SPECC1: variants seen among roughly 807,000 people sequenced by gnomAD.
The protein encoded by SPECC1 is sperm antigen with calponin homology and coiled-coil domains 1, also known as cytospin-B.
In SPECC1, 62 loss-of-function variants were observed where a neutral mutation model predicts 104.1. That is an observed-to-expected ratio of 0.60 (90% CI 0.49 to 0.74). The LOEUF (loss-of-function observed/expected upper bound fraction) is 0.74. Ranked by LOEUF, SPECC1 falls within the 30% of genes least tolerant of loss-of-function variation. The pLI, the probability that SPECC1 is intolerant of heterozygous loss-of-function variation, is 0.00. For missense variants in SPECC1, 1,306 were observed against 1,310.5 expected (o/e 1.00, Z 0.05); for synonymous variants, 513 against 501.6 (o/e 1.02, Z -0.30).
intron 13 of SPECC1, among the ~76,000 whole-genome samples, chr17:20,298,523 C>A (rs1185106283): frequency 1.3e-5 from 2 of 152,108 alleles, no homozygotes; most frequent in Non-Finnish European, 1.5e-5. Flanking sequence ...GGCAGACCCC[C>A]ATAGCTGGGC....
At chr17:20,163,181 A>AAT (rs1213770117) in intron 3 of SPECC1, among the ~76,000 whole-genome samples, 2 of 152,226 alleles carry the variant, frequency 1.3e-5, no homozygotes, top group African/African-American at 4.8e-5. Flanking sequence ...CAGAAAATCA[A>AAT]ATATATATAC....
chr17:20,166,729 A>C (rs1049261425), intron 3 of SPECC1, among the ~76,000 whole-genome samples: 4 of 152,050 alleles, frequency 2.6e-5, no homozygotes, highest in African/African-American at 9.7e-5. Context: ...TGTCTGTTTC[A>C]CTCTTCTCTT....
In SPECC1 at chr17:20,246,071, G is replaced by A; in HGVS notation, c.2497G>A (p.Gly833Ser). ...LIKSFDLGRPGGAGQNISVHK... is the reference protein window; with the variant it reads ...LIKSFDLGRPSGAGQNISVHK... Reference sequence around the variant, plus strand: ...CAAGTCATTTGACTTGGGACGCCCAGGTATTTAATCATTTTTTCTATAAGC... The same window carrying A: ...CAAGTCATTTGACTTGGGACGCCCAAGTATTTAATCATTTTTTCTATAAGC... The change falls in exon 8 of 15, where the codon GGT becomes AGT. Residue 833 changes from glycine to serine, a missense_variant and splice_region_variant. Gly to Ser is a moderately conservative substitution (Grantham distance 56). Around this residue, in one of 2 missense-constraint regions of SPECC1, gnomAD observed 1,177 missense variants for 1,139.9 expected, o/e 1.03. Transcript: ENST00000395527. 4 of 1,613,774 alleles carry A rather than the reference G, an allele frequency of 2.5e-6. No individual in the cohort carries two copies. The highest frequency in any genetic ancestry group is 3.4e-6 in the Non-Finnish European group (4 of 1,179,800).
intron 4 of SPECC1, among the ~76,000 whole-genome samples, chr17:20,217,607 A>G (rs1322604193): frequency 6.6e-6 from 1 of 151,928 alleles, no homozygotes; most frequent in Non-Finnish European, 1.5e-5. Flanking sequence ...TAGCCTGAGG[A>G]CTCTACAACA....
At chr17:20,105,290 T>C (rs1312828239) in intron 2 of SPECC1, among the ~76,000 whole-genome samples, 1 of 152,228 alleles carries the variant, frequency 6.6e-6, no homozygotes, top group Non-Finnish European at 1.5e-5. Flanking sequence ...AAATGGAGTC[T>C]TACTATGTTG....
intron 12 of SPECC1, among the ~76,000 whole-genome samples, chr17:20,278,155 T>A (rs2040637536): frequency 6.6e-6 from 1 of 151,950 alleles, no homozygotes; most frequent in African/African-American, 2.4e-5. Flanking sequence ...TTCTCAGAGG[T>A]ATGGAACATA....
chr17:20,111,817 C>T lies in SPECC1; in HGVS notation c.283+1255C>T, dbSNP rs910640927. The T allele has an allele frequency of 9.7e-6, 8 of 827,190 alleles. No individual in the cohort carries two copies. In the East Asian group the frequency reaches 1.5e-4, roughly 15 times the overall value. 51.2% of individuals were successfully genotyped at this position (827,190 alleles called of 1,614,324 possible). A position where few individuals can be genotyped will look rare whatever the true frequency, so the allele number is the denominator to read the frequency against. ...GCTCACTCAGGACCCAGGGGGGGGG[C>T]AGCGCGATGAGGTGGGTGGCCCTGT... On this transcript the variant is annotated intron_variant, in intron 3 of 14. Coordinates refer to ENST00000395527, the MANE Select transcript of SPECC1 (RefSeq NM_001243439.2).
intron 4 of SPECC1, among the ~76,000 whole-genome samples, chr17:20,210,076 G>C (rs1194292404): frequency 6.6e-6 from 1 of 152,124 alleles, no homozygotes; most frequent in Non-Finnish European, 1.5e-5. Context: ...GTGGGTCCTA[G>C]AGCCAAACTG....
chr17:20,049,762 C>A (rs1037174346), intron 1 of SPECC1, among the ~76,000 whole-genome samples: 5 of 151,764 alleles, frequency 3.3e-5, no homozygotes, highest in African/African-American at 7.3e-5. Context: ...GAGGATTCTA[C>A]GGTGTTTTCT....
At chr17:20,018,058 G>A (rs1003531683) in intron 1 of SPECC1, 3 of 152,578 alleles carry the variant, frequency 2.0e-5, no homozygotes, top group Middle Eastern at 3.4e-3. Context: ...TCCATGTGAG[G>A]GGAAGGGTCC....
At chr17:20,306,233 T>A in intron 14 of SPECC1, 151 bp downstream of exon 14, 1 of 607,802 alleles carries the variant, frequency 1.6e-6, no homozygotes, top group Non-Finnish European at 2.9e-6. Flanking sequence ...CCAGTTGATA[T>A]AATCACATAT....
At chr17:20,277,906 C>T (rs1378744278) in intron 12 of SPECC1, among the ~76,000 whole-genome samples, 2 of 152,222 alleles carry the variant, frequency 1.3e-5, no homozygotes, top group African/African-American at 2.4e-5. Context: ...GTGTCAGCCA[C>T]GCTGCTTCTG....
Position 20,316,374 on chromosome 17 carries a change from T to C in SPECC1, c.*2309T>C. ...ATTGGTTCTGTTTTTTATTTTTACT[T>C]ATTTATTTTGAGATGGAGTTTCATC... On this transcript the variant is annotated 3_prime_UTR_variant, in exon 15 of 15. Transcript: ENST00000395527. The C allele has an allele frequency of 4.6e-6, 1 of 219,548 alleles. No homozygotes were observed. The highest frequency in any genetic ancestry group is 9.1e-6 in the Non-Finnish European group (1 of 109,344). 13.6% of individuals were successfully genotyped at this position (219,548 alleles called of 1,614,324 possible). A position where few individuals can be genotyped will look rare whatever the true frequency, so the allele number is the denominator to read the frequency against.
chr17:20,181,436 T>A lies in SPECC1; in HGVS notation c.284-22897T>A, dbSNP rs117767915. On this transcript the variant is annotated intron_variant, in intron 3 of 14. Coordinates refer to ENST00000395527, the MANE Select transcript of SPECC1 (RefSeq NM_001243439.2). The stretch of plus-strand genomic sequence containing the variant: ...AGTATTAGCAAAGAAGAATCCATTG[T>A]TATAGGTATGGAATAAATGAAAAAT... 1.7e-3 allele frequency among the ~76,000 whole-genome samples: 259 copies of A among 152,244 alleles called. 1 individual carries two copies. The highest frequency in any genetic ancestry group is 0.017 in the Middle Eastern group (5 of 294).
intron 5 of SPECC1, among the ~76,000 whole-genome samples, chr17:20,228,493 A>C (rs1486437448): frequency 1.3e-5 from 2 of 152,208 alleles, no homozygotes; most frequent in Non-Finnish European, 2.9e-5. Flanking sequence ...ACCCTTCCTA[A>C]GGATATTTTG....
chr17:20,119,930 T>C (rs1176770597), intron 3 of SPECC1, among the ~76,000 whole-genome samples: 1 of 152,204 alleles, frequency 6.6e-6, no homozygotes, highest in Non-Finnish European at 1.5e-5. Flanking sequence ...TCAAAGGAAA[T>C]GCTCACTGGG....
chr17:20,180,323 T>TA (rs1292991476), intron 3 of SPECC1, among the ~76,000 whole-genome samples: 1 of 151,992 alleles, frequency 6.6e-6, no homozygotes, highest in African/African-American at 2.4e-5. Flanking sequence ...ACTCACCTAT[T>TA]AAAAAACAAA....
At chr17:20,206,038 C>A in intron 4 of SPECC1, 126 bp downstream of exon 4, 1 of 1,319,154 alleles carries the variant, frequency 7.6e-7, no homozygotes, top group Non-Finnish European at 1.0e-6. Flanking sequence ...GCCAGCATTC[C>A]AGCTTGAAGG....
chr17:20,148,561 C>T (rs1281112693), intron 3 of SPECC1, among the ~76,000 whole-genome samples: 1 of 133,136 alleles, frequency 7.5e-6, no homozygotes, highest in Non-Finnish European at 1.6e-5. Flanking sequence ...AAAAAAAGGA[C>T]AAGCAATAAA....
Sources: gnomAD v4.1 joint callset for allele counts (sites outside exome capture counted in the v4.1 genomes callset) on GRCh38, gnomAD v4.1.1 for gene constraint, gnomAD v4.1.1 regional missense constraint, MANE v1.5 for transcripts, NCBI Gene and HGNC (gene_info 2026-07-23, HGNC 2026-07-21) for gene names.